ZDHHC13: variants seen among roughly 807,000 people sequenced by gnomAD.
The protein encoded by ZDHHC13 is palmitoyltransferase ZDHHC13.
A neutral mutation model predicts 86.0 loss-of-function variants in ZDHHC13; 85 were observed. That is an observed-to-expected ratio of 0.99 (90% CI 0.83 to 1.18). The LOEUF (loss-of-function observed/expected upper bound fraction) is 1.18, where lower values mean the gene tolerates loss of function less well. Among genes scored for constraint, ZDHHC13 ranks in the 50% most tolerant of loss-of-function variants. The pLI is 0.00. For synonymous variants in ZDHHC13, 263 were observed against 246.4 expected (o/e 1.07, Z -0.63); for missense variants, 711 against 730.2 (o/e 0.97, Z 0.30).
intron 5 of ZDHHC13, among the ~76,000 whole-genome samples, chr11:19,150,136 T>C (rs973351092): frequency 3.3e-5 from 5 of 152,196 alleles, no homozygotes; most frequent in African/African-American, 1.2e-4. Flanking sequence ...TTGGCTTAGC[T>C]GAAACCATTG....
At chr11:19,144,972 C>G (rs570689267) in intron 2 of ZDHHC13, among the ~76,000 whole-genome samples, 1 of 151,826 alleles carries the variant, frequency 6.6e-6, no homozygotes, top group Non-Finnish European at 1.5e-5. Context: ...AGCCTGGTGT[C>G]GTGGCACACG....
chr11:19,117,255 G>C lies in ZDHHC13; in HGVS notation c.6G>C (p.Glu2Asp). The C allele has an allele frequency of 6.6e-7, 1 of 1,505,880 alleles. No homozygotes were observed. The highest frequency in any genetic ancestry group is 1.2e-5 in the South Asian group (1 of 81,924). The allele number at this position is 1,505,880 out of a possible 1,614,324, so 93.3% of individuals were successfully genotyped here. A position where few individuals can be genotyped will look rare whatever the true frequency, so the allele number is the denominator to read the frequency against. M[E>D]GPGLGSQCRN... Reference sequence around the variant, plus strand: ...CGCTGTGGGCTCCTGGGGAGATGGAGGGGCCGGGGCTGGGCTCGCAGGTGA... The same window carrying C: ...CGCTGTGGGCTCCTGGGGAGATGGACGGGCCGGGGCTGGGCTCGCAGGTGA... The change falls in exon 1 of 17, where the codon GAG (glutamate) becomes GAC (aspartate). Residue 2 changes from glutamate (E) to aspartate (D), a missense_variant. Coordinates refer to ENST00000446113, the MANE Select transcript of ZDHHC13 (RefSeq NM_019028.3). This position sits in a 1 kb window ranked among gnomAD's most constrained non-coding sequence, Gnocchi z 4.2.
intron 1 of ZDHHC13, among the ~76,000 whole-genome samples, chr11:19,137,354 C>G (rs1020107623): frequency 6.6e-6 from 1 of 152,120 alleles, no homozygotes; most frequent in African/African-American, 2.4e-5. Context: ...ATCAATTCAA[C>G]AAGAAGAGCT....
In ZDHHC13 at chr11:19,172,735, G is replaced by A; in HGVS notation, c.1645G>A (p.Gly549Ser). ...LNQLFQIAFL[G>S]LTSHERISLQ... is the part of the protein sequence containing the mutation. ...CCTTCTTTTTCAGATTGCCTTTCTG[G>A]GCCTGACCTCCCATGAGAGAATCAG... is the stretch of plus-strand genomic sequence containing the variant. Residue 549 changes from glycine to serine, a missense_variant, in exon 16 of 17, where the codon GGC (glycine) becomes AGC (serine). By Grantham distance (56) the Gly-to-Ser change is moderately conservative. Transcript: ENST00000446113. 2.5e-6 allele frequency: 4 copies of A among 1,600,036 alleles called. No homozygotes were observed. Among genetic ancestry groups the A allele is most frequent in the Non-Finnish European group, 3.4e-6 (4 of 1,173,338 alleles).
At chr11:19,123,786 C>G (rs1004179020) in intron 1 of ZDHHC13, among the ~76,000 whole-genome samples, 1 of 152,080 alleles carries the variant, frequency 6.6e-6, no homozygotes, top group African/African-American at 2.4e-5. Flanking sequence ...CTAACAACAA[C>G]AACAACAACA....
intron 2 of ZDHHC13, among the ~76,000 whole-genome samples, chr11:19,144,037 C>G (rs1171020262): frequency 1.3e-5 from 2 of 152,004 alleles, no homozygotes; most frequent in African/African-American, 4.8e-5. Flanking sequence ...GCCTGTTTGG[C>G]CTTGATATGG....
intron 1 of ZDHHC13, among the ~76,000 whole-genome samples, chr11:19,124,277 A>T (rs1476595864): frequency 6.6e-6 from 1 of 152,170 alleles, no homozygotes; most frequent in Non-Finnish European, 1.5e-5. Context: ...TTCAATAAGT[A>T]TAAGAAGAAA....
At position 19,155,831 on chromosome 11, in the gene ZDHHC13, G is replaced by T. The variant is rs35450852; in HGVS notation, c.909G>T (p.Met303Ile). Residue 303 changes from methionine (M) to isoleucine (I), a missense_variant, in exon 9 of 17, where the codon ATG becomes ATT. Physicochemically the swap from Met to Ile is conservative, Grantham distance 10. Transcript: ENST00000446113. Reference sequence around the variant, plus strand: ...TGCTGATGCTTTCTGTGATTACCATGTGGGCTATTGGATACATATTGGACT... The same window carrying T: ...TGCTGATGCTTTCTGTGATTACCATTTGGGCTATTGGATACATATTGGACT... ...FLLLMLSVITMWAIGYILDFN... is the reference protein window; with the variant it reads ...FLLLMLSVITIWAIGYILDFN... 8.1e-6 allele frequency: 13 copies of T among 1,612,708 alleles called. No individual in the cohort carries two copies. The highest frequency in any genetic ancestry group is 5.0e-5 in the Admixed American group (3 of 59,696).
intron 1 of ZDHHC13, among the ~76,000 whole-genome samples, chr11:19,122,699 G>A (rs1461347547): frequency 6.6e-6 from 1 of 151,994 alleles, no homozygotes; most frequent in East Asian, 1.9e-4. Context: ...GCCAGCAGAG[G>A]TGTGCTAAAA....
intron 10 of ZDHHC13, among the ~76,000 whole-genome samples, chr11:19,160,504 A>G (rs1849880652): frequency 6.6e-6 from 1 of 151,990 alleles, no homozygotes; most frequent in East Asian, 1.9e-4. Flanking sequence ...GGTAATTGAC[A>G]TGACACTGAG....
At chr11:19,160,091 AT>A (rs1170258765) in intron 10 of ZDHHC13, among the ~76,000 whole-genome samples, 1 of 151,954 alleles carries the variant, frequency 6.6e-6, no homozygotes, top group Non-Finnish European at 1.5e-5. Flanking sequence ...ATTCAAGAAT[AT>A]TTTTTCCATA....
intron 12 of ZDHHC13, 183 bp downstream of exon 12, chr11:19,164,546 C>G (rs1850004582): frequency 3.3e-6 from 2 of 613,080 alleles, no homozygotes; most frequent in Non-Finnish European, 5.7e-6. Flanking sequence ...TGTTTATAAT[C>G]TCTTGAAGTT....
intron 16 of ZDHHC13, 126 bp downstream of exon 16, chr11:19,172,946 C>T (rs1850263898): frequency 1.3e-6 from 1 of 767,840 alleles, no homozygotes; most frequent in South Asian, 2.2e-5. Flanking sequence ...CAGTTGACCC[C>T]CCTTTTCTTA....
At chr11:19,132,616 A>G (rs903977873) in intron 1 of ZDHHC13, among the ~76,000 whole-genome samples, 4 of 152,134 alleles carry the variant, frequency 2.6e-5, no homozygotes, top group African/African-American at 4.8e-5. Context: ...CACAACTGCC[A>G]GCTATCTCAG....
At chr11:19,126,390 G>T (rs1848877858) in intron 1 of ZDHHC13, among the ~76,000 whole-genome samples, 1 of 147,396 alleles carries the variant, frequency 6.8e-6, no homozygotes, top group Admixed American at 6.8e-5. Flanking sequence ...AAGCTGGAGT[G>T]CAGTGGTGTG....
chr11:19,119,558 T>C (rs960576474), intron 1 of ZDHHC13, among the ~76,000 whole-genome samples: 11 of 152,360 alleles, frequency 7.2e-5, no homozygotes, highest in African/African-American at 2.4e-4. Flanking sequence ...GTCACCTCTG[T>C]GTGGCATTCT....
chr11:19,137,021 T>C (rs1393192976), intron 1 of ZDHHC13, among the ~76,000 whole-genome samples: 1 of 150,298 alleles, frequency 6.7e-6, no homozygotes, highest in Non-Finnish European at 1.5e-5. Context: ...ACGAGCAAAA[T>C]AACCAGCTAA....
chr11:19,172,814 C>T lies in ZDHHC13; in HGVS notation c.1724C>T (p.Pro575Leu), dbSNP rs183961117. The T allele has an allele frequency of 6.9e-6, 11 of 1,599,108 alleles. No homozygotes were observed. The Admixed American group carries it at 1.0e-4, about 15-fold the overall frequency. Residue 575 changes from proline to leucine, a missense_variant, in exon 16 of 17, where the codon CCA (proline) becomes CTA (leucine). Pro to Leu is a moderately conservative substitution (Grantham distance 98). Coordinates refer to ENST00000446113, the MANE Select transcript of ZDHHC13 (RefSeq NM_019028.3). ...MKQTLSLRKT[P>L]YNLGFMQNLA... ...CAGACGTTGTCCCTCAGGAAGACAC[C>T]ATACAAGTAAGCGAGACCTGTTTTG...
Position 19,175,389 on chromosome 11 carries a change from CAAAAAAAAAAAAAA to C in ZDHHC13, c.1731-418_1731-405del, listed in dbSNP as rs58806796. 3.2e-4 allele frequency among the ~76,000 whole-genome samples: 18 copies of C among 56,378 alleles called. 2 individuals carry two copies. In the Admixed American group the frequency reaches 5.7e-3, roughly 18 times the overall value. 37.0% of individuals were successfully genotyped at this position (56,378 alleles called of 152,430 possible). A position where few individuals can be genotyped will look rare whatever the true frequency, so the allele number is the denominator to read the frequency against. On this transcript the variant is annotated intron_variant, in intron 16 of 16. Transcript: ENST00000446113. ...TGGGTGACAGAGCGAGACTCCGTCTCAAAAAAAAAAAAAAAAAAAAAAAAAAAAGGTTTAGGGAA... is the reference window on the plus strand; with the variant it reads ...TGGGTGACAGAGCGAGACTCCGTCTCAAAAAAAAAAAAAAGGTTTAGGGAA...
Sources: gnomAD v4.1 joint callset for allele counts (sites outside exome capture counted in the v4.1 genomes callset) on GRCh38, gnomAD v4.1.1 for gene constraint, Gnocchi (gnomAD v3.1) non-coding constraint, MANE v1.5 for transcripts, NCBI Gene and HGNC (gene_info 2026-07-23, HGNC 2026-07-21) for gene names.